Variants in DDX1 observed in about 807,000 individuals in gnomAD.
DDX1 encodes the protein DEAD-box helicase 1, also known as ATP-dependent RNA helicase DDX1.
DDX1 carries 28 observed loss-of-function variants against 108.7 expected under a neutral mutation model. The ratio of observed to expected loss-of-function variants is 0.26; its 90% CI spans 0.19 to 0.35. The LOEUF (loss-of-function observed/expected upper bound fraction) is 0.35. Ranked by LOEUF, DDX1 falls within the 10% of genes least tolerant of loss-of-function variation. The probability of loss-of-function intolerance (pLI) is 1.00; values close to 1 mark genes in which losing one functional copy is unlikely to be tolerated. For missense variants in DDX1, 710 were observed against 884.5 expected, an observed-to-expected ratio of 0.80 and a Z score of 2.50; for synonymous variants, 295 against 288.9, an observed-to-expected ratio of 1.02 and a Z score of -0.21.
chr2:15,621,452 C>A, intron 18 of DDX1: 1 of 208,110 alleles, frequency 4.8e-6, no homozygotes, highest in Non-Finnish European at 9.6e-6. Flanking sequence ...TGGGATCGCC[C>A]GCCACCATGC....
At chr2:15,601,400 A>G (rs1260005627) in intron 6 of DDX1, among the ~76,000 whole-genome samples, 1 of 152,166 alleles carries the variant, frequency 6.6e-6, no homozygotes, top group African/African-American at 2.4e-5. Context: ...TGTCCCCCAC[A>G]TCTGATGCCC....
intron 14 of DDX1, among the ~76,000 whole-genome samples, chr2:15,614,310 T>C (rs1311799769): frequency 6.6e-6 from 1 of 152,210 alleles, no homozygotes; most frequent in Non-Finnish European, 1.5e-5. Context: ...TCCAATTCCA[T>C]TGGTGCTCTT....
At chr2:15,600,254 G>T (rs1353914782) in intron 6 of DDX1, among the ~76,000 whole-genome samples, 17 of 152,174 alleles carry the variant, frequency 1.1e-4, no homozygotes, top group Non-Finnish European at 2.5e-4. Flanking sequence ...CAGGCTGGCT[G>T]TTCACTTGGG....
At chr2:15,595,927 C>T (rs1218594015) in intron 3 of DDX1, among the ~76,000 whole-genome samples, 1 of 152,054 alleles carries the variant, frequency 6.6e-6, no homozygotes, top group East Asian at 1.9e-4. Flanking sequence ...CTCTGTTGCC[C>T]AAGCTGGAGT....
intron 16 of DDX1, 51 bp downstream of exon 16, chr2:15,618,321 A>G (rs1544734): frequency 2.1e-6 from 2 of 952,344 alleles, no homozygotes; most frequent in Admixed American, 3.6e-5. Flanking sequence ...ATTGTTATGT[A>G]TAATGTTACG....
In DDX1 at chr2:15,628,820, T is replaced by C; in HGVS notation, c.1856T>C (p.Val619Ala). The C allele has an allele frequency of 6.2e-7, 1 of 1,613,696 alleles. No homozygotes were observed. Among genetic ancestry groups the C allele is most frequent in the Non-Finnish European group, 8.5e-7 (1 of 1,179,640 alleles). Residue 619 changes from valine (V) to alanine (A), a missense_variant, in exon 23 of 26, where the codon GTG (valine) becomes GCG (alanine). Around this residue, in one of 3 missense-constraint regions of DDX1, gnomAD observed 661 missense variants for 810.2 expected, o/e 0.82. Transcript: ENST00000233084. Reference sequence around the variant, plus strand: ...AGGATGGGTCTGGCAATTTCCCTGGTGGCAACAGAAAAAGAAAAGGTAATC... The same window carrying C: ...AGGATGGGTCTGGCAATTTCCCTGGCGGCAACAGAAAAAGAAAAGGTAATC... ...AERMGLAISL[V>A]ATEKEKVWYH... is the part of the protein sequence containing the mutation.
chr2:15,597,305 A>C (rs1287582012), intron 4 of DDX1, 70 bp from the exon 5 acceptor site: 2 of 984,860 alleles, frequency 2.0e-6, no homozygotes, highest in Non-Finnish European at 3.1e-6. Context: ...AACTTTTGTC[A>C]TTTATATTGG....
In DDX1 at chr2:15,620,268, A is replaced by G. The variant is rs1327170253; in HGVS notation, c.1267A>G (p.Met423Val). 16 of 1,614,110 alleles carry G rather than the reference A, an allele frequency of 9.9e-6. No individual in the cohort carries two copies. Among genetic ancestry groups the G allele is most frequent in the Non-Finnish European group, 1.4e-5 (16 of 1,179,982 alleles). ...TGTAAAGAAACTGTCCGAGAAGATA[A>G]TGCATTTTCCTACATGGGTTGACTT... ...FDVKKLSEKI[M>V]HFPTWVDLKG... is the part of the protein sequence containing the mutation. The change falls in exon 17 of 26, where the codon ATG becomes GTG. Residue 423 changes from methionine to valine, a missense_variant. Physicochemically the swap from Met to Val is conservative, Grantham distance 21. This residue lies in a region of DDX1 where 661 missense variants were observed against 810.2 expected (regional missense o/e 0.82). Transcript: ENST00000233084.
rs377274448 is a variant in DDX1 at position 15,602,650 on chromosome 2, C to T, written c.391+19C>T. On this transcript the variant is annotated intron_variant, in intron 7 of 25. Transcript: ENST00000233084. ...ATGAAAGGTATTTGAACAGCATCTG[C>T]ACTTGTATAAACTTTTGAGGCAAGG... 10 of 1,545,382 alleles carry T rather than the reference C, an allele frequency of 6.5e-6. No individual in the cohort carries two copies. The highest frequency in any genetic ancestry group is 1.7e-5 in the Admixed American group (1 of 59,570).
At chr2:15,628,551 T>G (rs1358223622) in intron 21 of DDX1, 34 bp downstream of exon 21, 2 of 1,599,998 alleles carry the variant, frequency 1.3e-6, no homozygotes, top group Non-Finnish European at 1.7e-6. Context: ...GTAGTGTGAT[T>G]GTTACGGAAT....
At chr2:15,623,290 G>A in intron 18 of DDX1, 146 bp from the exon 19 acceptor site, 1 of 672,884 alleles carries the variant, frequency 1.5e-6, no homozygotes, top group Non-Finnish European at 2.4e-6. Context: ...TTTACTTCTT[G>A]TCCTTATCTA....
At chr2:15,596,700 A>T in intron 3 of DDX1, 34 bp from the exon 4 acceptor site, 1 of 1,599,102 alleles carries the variant, frequency 6.3e-7, no homozygotes, top group South Asian at 1.1e-5. Context: ...TAGACAACTT[A>T]ATCTGTAAAA....
At position 15,591,878 on chromosome 2, in the gene DDX1, CGT is replaced by C; in HGVS notation, c.-53_-52del. 6.8e-7 allele frequency: 1 copy of C among 1,465,112 alleles called. No homozygotes were observed. Among genetic ancestry groups the C allele is most frequent in the Non-Finnish European group, 9.0e-7 (1 of 1,106,420 alleles). 90.8% of individuals were successfully genotyped at this position (1,465,112 alleles called of 1,614,324 possible). ...GAAGCGCGCGCCGCCACTGCCACGC[CGT>C]GTCAGTCGGGAGGGAGGGAGCGAGC... On this transcript the variant is annotated 5_prime_UTR_variant, in exon 1 of 26. Coordinates refer to ENST00000233084, the MANE Select transcript of DDX1 (RefSeq NM_004939.3).
In DDX1 at chr2:15,602,780, C is replaced by T. The variant is rs143340541; in HGVS notation, c.391+149C>T. The T allele has an allele frequency of 3.7e-4, 223 of 596,480 alleles. 1 individual carries two copies. Among genetic ancestry groups the T allele is most frequent in the African/African-American group, 3.7e-3 (199 of 53,722 alleles). 36.9% of individuals were successfully genotyped at this position (596,480 alleles called of 1,614,324 possible). ...CCGGGCTGGAGGGCAGTGGTGCCATCTCGGCTCACTGCAACCTCCACCTCC... is the reference window on the plus strand; with the variant it reads ...CCGGGCTGGAGGGCAGTGGTGCCATTTCGGCTCACTGCAACCTCCACCTCC... On this transcript the variant is annotated intron_variant, in intron 7 of 25. Coordinates refer to ENST00000233084, the MANE Select transcript of DDX1 (RefSeq NM_004939.3).
Position 15,631,029 on chromosome 2 carries a change from C to T in DDX1, c.*123C>T. On this transcript the variant is annotated 3_prime_UTR_variant, in exon 26 of 26. Coordinates refer to ENST00000233084, the MANE Select transcript of DDX1 (RefSeq NM_004939.3). Reference sequence around the variant, plus strand: ...CGTAAGCTATTAATGCTAACTCTTGCATGTCAAGAAACATTAGTCTTAGGA... The same window carrying T: ...CGTAAGCTATTAATGCTAACTCTTGTATGTCAAGAAACATTAGTCTTAGGA... The T allele has an allele frequency of 1.2e-6, 1 of 833,518 alleles. No homozygotes were observed. The highest frequency in any genetic ancestry group is 1.7e-6 in the Non-Finnish European group (1 of 579,254). 51.6% of individuals were successfully genotyped at this position (833,518 alleles called of 1,614,324 possible).
chr2:15,603,917 A>T (rs373610152), intron 9 of DDX1, 27 bp downstream of exon 9: 68 of 1,483,448 alleles, frequency 4.6e-5, no homozygotes, highest in Non-Finnish European at 6.1e-5. Context: ...TGACTTCAAC[A>T]TAGCATAAGT....
intron 16 of DDX1, among the ~76,000 whole-genome samples, chr2:15,619,965 T>C (rs1031931251): frequency 1.3e-5 from 2 of 152,192 alleles, no homozygotes. Flanking sequence ...TGACTCATTT[T>C]ACTTAGTTTT....
intron 6 of DDX1, among the ~76,000 whole-genome samples, chr2:15,601,509 C>T (rs768749191): frequency 6.6e-6 from 1 of 152,038 alleles, no homozygotes; most frequent in Non-Finnish European, 1.5e-5. Context: ...TCACAGAACT[C>T]GGGGAAATAT....
In DDX1 at chr2:15,597,428, G is replaced by T. The variant is rs1333933064; in HGVS notation, c.216G>T (p.Gln72His). The T allele has an allele frequency of 6.2e-7, 1 of 1,607,554 alleles. No individual in the cohort carries two copies. The highest frequency in any genetic ancestry group is 8.5e-7 in the Non-Finnish European group (1 of 1,177,950). The change falls in exon 5 of 26, where the codon CAG (glutamine) becomes CAT (histidine). Residue 72 changes from glutamine to histidine, a missense_variant. By Grantham distance (24) the Gln-to-His change is conservative. This residue lies in a region of DDX1 where 661 missense variants were observed against 810.2 expected (regional missense o/e 0.82). Coordinates refer to ENST00000233084, the MANE Select transcript of DDX1 (RefSeq NM_004939.3). ...TTTATGAAACTCTGAAAGACCAACA[G>T]GAAGGCAAAAAAGGAAAAACAACAA... is the stretch of plus-strand genomic sequence containing the variant. ...QIVYETLKDQ[Q>H]EGKKGKTTIK...
Sources: allele counts gnomAD v4.1 joint callset (sites outside exome capture counted in the v4.1 genomes callset), GRCh38; gene constraint gnomAD v4.1.1; regional missense constraint gnomAD v4.1.1; transcripts MANE v1.5; gene names NCBI Gene and HGNC (gene_info 2026-07-23, HGNC 2026-07-21).